SGCD: variants seen among roughly 807,000 people sequenced by gnomAD.
SGCD encodes sarcoglycan delta.
SGCD carries 18 observed loss-of-function variants against 36.6 expected under a neutral mutation model. The ratio of observed to expected loss-of-function variants is 0.49; its 90% CI spans 0.34 to 0.73. The LOEUF is 0.73. SGCD is among the 30% of genes least tolerant of loss of function. The pLI, the probability that SGCD is intolerant of heterozygous loss-of-function variation, is 0.01. For synonymous variants in SGCD, 133 were observed against 130.6 expected (o/e 1.02, Z -0.12); for missense variants, 387 against 346.7 (o/e 1.12, Z -0.92).
intron 3 of SGCD, among the ~76,000 whole-genome samples, chr5:156,481,808 G>A (rs1755441737): frequency 6.6e-6 from 1 of 152,124 alleles, no homozygotes; most frequent in African/African-American, 2.4e-5. Context: ...CCAGGATCAG[G>A]GTCGGAACCC....
At position 156,232,585 on chromosome 5, in the gene SGCD, G is replaced by T. The variant is rs1454426773; in HGVS notation, c.-43-96949G>T. ...TGTGTTTCTTTTACTTATATGGGCT[G>T]CATTGTGACTGATGTATACACCATG... On this transcript the variant is annotated intron_variant, in intron 3 of 9. Transcript: ENST00000517913. 4.6e-5 allele frequency among the ~76,000 whole-genome samples: 7 copies of T among 152,128 alleles called. No individual in the cohort carries two copies. The East Asian group carries it at 5.8e-4, about 13-fold the overall frequency.
chr5:156,118,362 C>T (rs764447995), intron 2 of SGCD, among the ~76,000 whole-genome samples: 2 of 152,070 alleles, frequency 1.3e-5, no homozygotes, highest in Non-Finnish European at 2.9e-5. Flanking sequence ...GAATGGGGAC[C>T]ACTTCCCTGG....
Position 156,579,637 on chromosome 5 carries a change from T to G in SGCD, c.295-9594T>G, listed in dbSNP as rs563846887. Among the ~76,000 whole-genome samples, 14 of 152,366 alleles carry G rather than the reference T, an allele frequency of 9.2e-5. No homozygotes were observed. In the South Asian group the frequency reaches 2.1e-3, roughly 23 times the overall value. On this transcript the variant is annotated intron_variant, in intron 4 of 8. Coordinates refer to ENST00000337851, the MANE Select transcript of SGCD (RefSeq NM_000337.6). ...TATATTTAGGATAGTTAGCTCCTCT[T>G]ATTGACTTGATCCCTTTACCATTAT...
chr5:156,264,803 C>T (rs540222370), intron 3 of SGCD, among the ~76,000 whole-genome samples: 2 of 152,220 alleles, frequency 1.3e-5, no homozygotes, highest in South Asian at 4.2e-4. Context: ...AGGATTTTGT[C>T]AATTTTGTTC....
rs911758552 is a variant in SGCD at position 156,759,587 on chromosome 5, T to C, written c.*197T>C. 5.9e-6 allele frequency: 1 copy of C among 169,830 alleles called. No homozygotes were observed. The highest frequency in any genetic ancestry group is 2.4e-5 in the African/African-American group (1 of 41,598). The allele number at this position is 169,830 out of a possible 1,614,324, so 10.5% of individuals were successfully genotyped here. Reference sequence around the variant, plus strand: ...ATATAAATATATATAAATAAATATATATATCCTCTGTATAAAATGAGGTTT... The same window carrying C: ...ATATAAATATATATAAATAAATATACATATCCTCTGTATAAAATGAGGTTT... On this transcript the variant is annotated 3_prime_UTR_variant, in exon 9 of 9. Transcript: ENST00000337851.
At chr5:156,718,404 A>G (rs189696782) in intron 7 of SGCD, among the ~76,000 whole-genome samples, 2 of 152,238 alleles carry the variant, frequency 1.3e-5, no homozygotes, top group Non-Finnish European at 1.5e-5. Flanking sequence ...AAGTCCCTCA[A>G]TTTCAACTAT....
At chr5:156,156,082 C>A (rs1198686013) in intron 3 of SGCD, among the ~76,000 whole-genome samples, 1 of 151,662 alleles carries the variant, frequency 6.6e-6, no homozygotes, top group Non-Finnish European at 1.5e-5. Flanking sequence ...TAGCTCCTTC[C>A]ACTTACTTTT....
At chr5:156,358,682 A>G (rs58520099) in intron 3 of SGCD, among the ~76,000 whole-genome samples, 5,882 of 152,276 alleles carry the variant, frequency 0.039, 334 homozygotes, top group African/African-American at 0.13. Flanking sequence ...AACAGTCAGG[A>G]TAAGTGGATG....
chr5:155,867,780 A>G (rs997291520), upstream of SGCD, among the ~76,000 whole-genome samples: 5 of 152,240 alleles, frequency 3.3e-5, no homozygotes, highest in African/African-American at 4.8e-5. Flanking sequence ...TAGGCTTGAC[A>G]TACAATAGAT....
chr5:156,530,505 G>C (rs1388060354), intron 4 of SGCD, among the ~76,000 whole-genome samples: 1 of 151,458 alleles, frequency 6.6e-6, no homozygotes, highest in Non-Finnish European at 1.5e-5. Context: ...GTATTGTCTT[G>C]CCATGTGAAT....
intron 3 of SGCD, among the ~76,000 whole-genome samples, chr5:156,199,269 G>A (rs4704786): frequency 0.31 from 46,959 of 151,992 alleles, 7,730 homozygotes; most frequent in East Asian, 0.6. Flanking sequence ...CTACATAACA[G>A]CAGCAAGTTG....
At chr5:155,858,048 G>A in the SGCD span, among the ~76,000 whole-genome samples, 6 of 152,028 alleles carry the variant, frequency 3.9e-5, no homozygotes, top group East Asian at 9.6e-4. Context: ...TATAACTCGT[G>A]GTAGTGATGT....
chr5:156,247,777 T>C (rs1765475742), intron 3 of SGCD, among the ~76,000 whole-genome samples: 2 of 152,238 alleles, frequency 1.3e-5, no homozygotes, highest in African/African-American at 2.4e-5. Flanking sequence ...TACTTTTTGC[T>C]CTCATGTTGG....
chr5:155,798,309 G>T, the SGCD span, among the ~76,000 whole-genome samples: 1 of 152,192 alleles, frequency 6.6e-6, no homozygotes, highest in East Asian at 1.9e-4. Context: ...TGAATGAAGT[G>T]ACACCAAGTA....
chr5:156,020,973 A>G (rs1046133622), intron 1 of SGCD, among the ~76,000 whole-genome samples: 2 of 152,222 alleles, frequency 1.3e-5, no homozygotes, highest in African/African-American at 4.8e-5. Context: ...AAACAAAACA[A>G]TCATTGTTCA....
chr5:156,681,582 C>G (rs968631362), intron 7 of SGCD, among the ~76,000 whole-genome samples: 1 of 152,072 alleles, frequency 6.6e-6, no homozygotes, highest in Non-Finnish European at 1.5e-5. Flanking sequence ...CCTTCTGTAT[C>G]AATATGTTGG....
chr5:156,390,592 T>C (rs1771512774), intron 3 of SGCD, among the ~76,000 whole-genome samples: 1 of 152,036 alleles, frequency 6.6e-6, no homozygotes. Flanking sequence ...CAGCCGGGTG[T>C]GGTGGCATGT....
intron 3 of SGCD, among the ~76,000 whole-genome samples, chr5:156,298,897 C>T (rs1328220464): frequency 2.0e-5 from 3 of 151,944 alleles, no homozygotes; most frequent in Non-Finnish European, 4.4e-5. Context: ...GTTTGAGTTG[C>T]CTCTTCACTT....
intron 1 of SGCD, among the ~76,000 whole-genome samples, chr5:156,081,593 G>C (rs1028522055): frequency 6.6e-6 from 1 of 152,052 alleles, no homozygotes; most frequent in African/African-American, 2.4e-5. Context: ...ACCAAGTCTC[G>C]CTATGTTGTC....
Sources: allele counts gnomAD v4.1 joint callset (sites outside exome capture counted in the v4.1 genomes callset), GRCh38; gene constraint gnomAD v4.1.1; transcripts MANE v1.5; gene names NCBI Gene and HGNC (gene_info 2026-07-23, HGNC 2026-07-21).